ANO2: variants seen among roughly 807,000 people sequenced by gnomAD.
The protein encoded by ANO2 is anoctamin-2.
ANO2 carries 101 observed loss-of-function variants against 124.2 expected under a neutral mutation model. The observed-to-expected ratio is 0.81, with a 90% CI of 0.69 to 0.96. The LOEUF (loss-of-function observed/expected upper bound fraction) is 0.96. Ranked by LOEUF, ANO2 falls within the 40% of genes least tolerant of loss-of-function variation. The pLI is 0.00. For missense variants in ANO2, 1,293 were observed against 1,274.5 expected (o/e 1.01, Z -0.22); for synonymous variants, 486 against 482.5 (o/e 1.01, Z -0.09).
intron 14 of ANO2, among the ~76,000 whole-genome samples, chr12:5,650,859 T>C (rs142690647): frequency 3.9e-5 from 6 of 152,338 alleles, no homozygotes; most frequent in African/African-American, 1.4e-4. Flanking sequence ...CTGCAAAATA[T>C]AGTTAGATCT....
intron 14 of ANO2, among the ~76,000 whole-genome samples, chr12:5,666,568 ATTGT>A (rs1206522926): frequency 1.3e-5 from 2 of 152,192 alleles, no homozygotes; most frequent in African/African-American, 2.4e-5. Context: ...GGAAAAAAAA[ATTGT>A]TTAAGCTCCT....
intron 1 of ANO2, among the ~76,000 whole-genome samples, chr12:5,938,473 T>G (rs576922688): frequency 9.8e-5 from 15 of 152,344 alleles, no homozygotes; most frequent in Non-Finnish European, 1.5e-5. Context: ...CCTCCCAAAG[T>G]GCTGTGATTA....
intron 14 of ANO2, among the ~76,000 whole-genome samples, chr12:5,669,735 C>T (rs1947898983): frequency 6.6e-6 from 1 of 152,162 alleles, no homozygotes; most frequent in Non-Finnish European, 1.5e-5. Flanking sequence ...AGTTAAACAA[C>T]CTTCCTCCAT....
intron 3 of ANO2, among the ~76,000 whole-genome samples, chr12:5,889,092 G>A (rs1410318373): frequency 6.6e-6 from 1 of 152,236 alleles, no homozygotes; most frequent in Non-Finnish European, 1.5e-5. Flanking sequence ...GCTGGCCCAG[G>A]TGCTAAGCCT....
At chr12:5,627,033 G>T (rs967851562) in intron 16 of ANO2, among the ~76,000 whole-genome samples, 1 of 152,210 alleles carries the variant, frequency 6.6e-6, no homozygotes, top group African/African-American at 2.4e-5. Flanking sequence ...CACAGCTCAT[G>T]TCTGGGAAGG....
chr12:5,708,265 T>C (rs187228612), intron 14 of ANO2, among the ~76,000 whole-genome samples: 6 of 152,350 alleles, frequency 3.9e-5, no homozygotes, highest in African/African-American at 1.4e-4. Flanking sequence ...TCTCTGAATA[T>C]GGTGTTATAT....
chr12:5,699,134 T>G (rs1359508868), intron 14 of ANO2, among the ~76,000 whole-genome samples: 2 of 151,972 alleles, frequency 1.3e-5, no homozygotes, highest in African/African-American at 4.8e-5. Flanking sequence ...CCAAGACACA[T>G]AATTGTCAGA....
chr12:5,601,617 C>G (rs974863126), intron 19 of ANO2, among the ~76,000 whole-genome samples: 5 of 152,110 alleles, frequency 3.3e-5, no homozygotes, highest in African/African-American at 1.2e-4. Flanking sequence ...AGTGAGACTT[C>G]TCCTCCATGA....
intron 2 of ANO2, among the ~76,000 whole-genome samples, chr12:5,922,271 G>T (rs967225897): frequency 1.3e-5 from 2 of 152,212 alleles, no homozygotes; most frequent in African/African-American, 2.4e-5. Context: ...GGTCACCTGG[G>T]CAACCAGATG....
chr12:5,773,036 G>C (rs893534601), intron 10 of ANO2, among the ~76,000 whole-genome samples: 15 of 152,254 alleles, frequency 9.9e-5, no homozygotes, highest in Non-Finnish European at 2.1e-4. Flanking sequence ...CAGCGGATGG[G>C]AGAGTAAAGA....
chr12:5,927,010 T>C (rs936009766), intron 1 of ANO2, among the ~76,000 whole-genome samples: 2 of 152,160 alleles, frequency 1.3e-5, no homozygotes, highest in African/African-American at 4.8e-5. Context: ...CACAGGATAA[T>C]TATCAAACCC....
chr12:5,739,969 A>G (rs1430263445), intron 12 of ANO2: 1 of 456,094 alleles, frequency 2.2e-6, no homozygotes, highest in Non-Finnish European at 4.4e-6. Context: ...TAATCTCTGT[A>G]AAGTAGTATG....
At chr12:5,721,512 G>GTTTT (rs1369450473) in intron 14 of ANO2, among the ~76,000 whole-genome samples, 1 of 130,030 alleles carries the variant, frequency 7.7e-6, no homozygotes, top group Non-Finnish European at 1.7e-5. Context: ...TTTTTTTTTT[G>GTTTT]TTTTTTTTTA....
chr12:5,584,254 C>T (rs967182546), intron 20 of ANO2, among the ~76,000 whole-genome samples: 10 of 151,960 alleles, frequency 6.6e-5, no homozygotes, highest in Admixed American at 2.0e-4. Flanking sequence ...CTGCCTACCC[C>T]GCCAAAGGGA....
intron 20 of ANO2, among the ~76,000 whole-genome samples, chr12:5,584,414 T>A (rs763291133): frequency 1.3e-5 from 2 of 152,162 alleles, no homozygotes; most frequent in Non-Finnish European, 2.9e-5. Context: ...CTGTTTTTCT[T>A]TAATTAAAAA....
chr12:5,830,537 C>A, intron 5 of ANO2, 48 bp from the exon 6 acceptor site: 1 of 1,562,550 alleles, frequency 6.4e-7, no homozygotes, highest in African/African-American at 1.3e-5. Context: ...ATTACCCTTG[C>A]CCTGAGACCA....
intron 17 of ANO2, 124 bp from the exon 18 acceptor site, chr12:5,613,082 G>A: frequency 2.2e-6 from 2 of 916,072 alleles, no homozygotes; most frequent in South Asian, 2.8e-5. Context: ...CAGGGCGAGT[G>A]CTAGATCACT....
chr12:5,677,442 C>T (rs1459118535), intron 14 of ANO2, among the ~76,000 whole-genome samples: 5 of 152,228 alleles, frequency 3.3e-5, no homozygotes, highest in African/African-American at 1.2e-4. Context: ...GCACCCAAAT[C>T]CCCTCTCTAT....
chr12:5,887,970 G>A lies in ANO2; in HGVS notation c.534+33070C>T, dbSNP rs1365663903. On this transcript the variant is annotated intron_variant, in intron 3 of 24. Transcript: ENST00000682330. ...CTTAACCACTAAGTTACATTGTTCC[G>A]GGACAGACATACAGAGGTTGATTCT... Among the ~76,000 whole-genome samples the A allele has an allele frequency of 3.9e-5, 6 of 152,114 alleles. No individual in the cohort carries two copies. In the East Asian group the frequency reaches 1.2e-3, roughly 29 times the overall value.
Sources: allele counts gnomAD v4.1 joint callset (sites outside exome capture counted in the v4.1 genomes callset), GRCh38; gene constraint gnomAD v4.1.1; transcripts MANE v1.5; gene names NCBI Gene and HGNC (gene_info 2026-07-23, HGNC 2026-07-21).